NETO1: variants seen among roughly 807,000 people sequenced by gnomAD.
NETO1 encodes neuropilin and tolloid-like protein 1.
In NETO1, 26 loss-of-function variants were observed where a neutral mutation model predicts 61.3. The observed-to-expected ratio is 0.42, with a 90% CI of 0.31 to 0.59. The LOEUF is 0.59. Among genes scored for constraint, NETO1 ranks in the 20% least tolerant of loss-of-function variants. The probability of loss-of-function intolerance (pLI) is 0.12; values close to 1 mark genes in which losing one functional copy is unlikely to be tolerated. For missense variants in NETO1, 531 were observed against 662.8 expected, an observed-to-expected ratio of 0.80 and a Z score of 2.18; for synonymous variants, 225 against 225.8, an observed-to-expected ratio of 1.00 and a Z score of 0.03.
chr18:72,755,843 T>C (rs1320032765), intron 8 of NETO1, among the ~76,000 whole-genome samples, 191 bp downstream of exon 8: 1 of 152,088 alleles, frequency 6.6e-6, no homozygotes, highest in Non-Finnish European at 1.5e-5. Flanking sequence ...TGTGCACTAA[T>C]AACGGAACAT....
intron 4 of NETO1, among the ~76,000 whole-genome samples, chr18:72,800,153 C>T (rs1339979429): frequency 3.9e-5 from 6 of 152,160 alleles, no homozygotes; most frequent in Non-Finnish European, 8.8e-5. Context: ...CCAAAGAAGG[C>T]CCCGGAACTG....
At position 72,828,694 on chromosome 18, in the gene NETO1, A is replaced by C. The variant is rs116872178; in HGVS notation, c.469+30132T>G. On this transcript the variant is annotated intron_variant, in intron 4 of 10. Coordinates refer to ENST00000327305, the MANE Select transcript of NETO1 (RefSeq NM_138966.5). ...TCCATACCTAGACACATGGCAATAG[A>C]ATTGCTAAACACAGAAGATGAAGAT... Among the ~76,000 whole-genome samples the C allele has an allele frequency of 5.9e-3, 904 of 152,358 alleles. 3 individuals are homozygous for C. Among genetic ancestry groups the C allele is most frequent in the Non-Finnish European group, 0.011 (745 of 68,040 alleles).
At chr18:72,761,052 TTAAAATGTTAAGATGTATGACA>T (rs1458039508) in intron 7 of NETO1, among the ~76,000 whole-genome samples, 2 of 144,776 alleles carry the variant, frequency 1.4e-5, no homozygotes, top group African/African-American at 5.7e-5. Context: ...AACAAAAAAC[TTAAAATGTTAAGATGTATGACA>T]TAAAATGTTA....
At chr18:72,774,832 C>G (rs2071491012) in intron 7 of NETO1, among the ~76,000 whole-genome samples, 1 of 152,140 alleles carries the variant, frequency 6.6e-6, no homozygotes, top group South Asian at 2.1e-4. Context: ...CTCTTCTCCA[C>G]CGGGTAAATT....
intron 7 of NETO1, among the ~76,000 whole-genome samples, chr18:72,776,440 T>C (rs769693505): frequency 6.6e-6 from 1 of 152,150 alleles, no homozygotes; most frequent in Admixed American, 6.5e-5. Context: ...AACCAAACCA[T>C]GGCATGCTCT....
Position 72,855,028 on chromosome 18 carries a change from CTT to C in NETO1, c.469+3796_469+3797del, listed in dbSNP as rs2074373657. Among the ~76,000 whole-genome samples, 10 of 152,246 alleles carry C rather than the reference CTT, an allele frequency of 6.6e-5. No individual in the cohort carries two copies. In the South Asian group the frequency reaches 2.1e-3, roughly 32 times the overall value. On this transcript the variant is annotated intron_variant, in intron 4 of 10. Transcript: ENST00000327305. ...TTGATTTAAAACTTGTTTAAAGACTCTTTTTAAATGAGAAAACAATATAATTC... is the reference window on the plus strand; with the variant it reads ...TTGATTTAAAACTTGTTTAAAGACTCTTTAAATGAGAAAACAATATAATTC...
At chr18:72,865,326 A>G (rs2074703722) in intron 1 of NETO1, 85 bp from the exon 2 acceptor site, 10 of 1,277,706 alleles carry the variant, frequency 7.8e-6, no homozygotes, top group Non-Finnish European at 1.1e-5. Context: ...AAGATAAAAT[A>G]ATATCAAAGC....
intron 6 of NETO1, among the ~76,000 whole-genome samples, chr18:72,791,191 CA>C (rs2072104097): frequency 6.6e-6 from 1 of 152,108 alleles, no homozygotes; most frequent in Non-Finnish European, 1.5e-5. Context: ...GTAAAGGAGA[CA>C]TCAGATATTA....
chr18:72,813,505 C>G (rs901864196), intron 4 of NETO1, among the ~76,000 whole-genome samples: 1 of 152,080 alleles, frequency 6.6e-6, no homozygotes, highest in African/African-American at 2.4e-5. Flanking sequence ...GTAGAACTAC[C>G]ATGCACAGAC....
At position 72,839,703 on chromosome 18, in the gene NETO1, T is replaced by A. The variant is rs1033901111; in HGVS notation, c.469+19123A>T. On this transcript the variant is annotated intron_variant, in intron 4 of 10. Transcript: ENST00000327305. ...CACCCTCCCTAAGGTATAGATAGAG[T>A]GTAAATAGAGTAATATCTACATGAA... Among the ~76,000 whole-genome samples the A allele has an allele frequency of 4.6e-5, 7 of 152,242 alleles. 1 individual carries two copies. The South Asian group carries it at 1.5e-3, about 32-fold the overall frequency.
At chr18:72,837,006 T>C (rs142766475) in intron 4 of NETO1, among the ~76,000 whole-genome samples, 37 of 152,226 alleles carry the variant, frequency 2.4e-4, no homozygotes, top group Admixed American at 1.7e-3. Flanking sequence ...TGACTGAAGA[T>C]AGAAGGAAAA....
chr18:72,834,043 G>A, intron 4 of NETO1: 2 of 845,848 alleles, frequency 2.4e-6, no homozygotes, highest in Non-Finnish European at 2.8e-6. Flanking sequence ...TTTTCATTTA[G>A]ATACTCGTTT....
At chr18:72,844,293 T>C (rs1022098934) in intron 4 of NETO1, among the ~76,000 whole-genome samples, 2 of 151,966 alleles carry the variant, frequency 1.3e-5, no homozygotes, top group African/African-American at 4.8e-5. Flanking sequence ...CTTCTAACAC[T>C]TTCTTATTGC....
chr18:72,815,432 T>C (rs1328952122), intron 4 of NETO1, among the ~76,000 whole-genome samples: 1 of 152,012 alleles, frequency 6.6e-6, no homozygotes, highest in East Asian at 1.9e-4. Flanking sequence ...CTAGAATATA[T>C]ACAGACCTAC....
At position 72,746,873 on chromosome 18, in the gene NETO1, A is replaced by G. The variant is rs1031320677; in HGVS notation, c.*1306T>C. 6.6e-6 allele frequency among the ~76,000 whole-genome samples: 1 copy of G among 152,084 alleles called. No homozygotes were observed. Among genetic ancestry groups the G allele is most frequent in the Non-Finnish European group, 1.5e-5 (1 of 67,948 alleles). On this transcript the variant is annotated 3_prime_UTR_variant, in exon 11 of 11. Transcript: ENST00000327305. ...AAATCAAACTTTACAGAGTGTGTAT[A>G]TAATTTAATAGCAGTAAAATATATT...
rs2074776069 is a variant in NETO1 at position 72,867,444 on chromosome 18, G to C, written c.-153C>G. ...GGCCGAGAGGGAGACCGAGAGGAAG[G>C]GGGAGCTCCGAGCCCACGCTGCAGC... On this transcript the variant is annotated 5_prime_UTR_variant, in exon 1 of 11. Transcript: ENST00000327305. 1 of 463,502 alleles carries C rather than the reference G, an allele frequency of 2.2e-6. No homozygotes were observed. Among genetic ancestry groups the C allele is most frequent in the Non-Finnish European group, 3.7e-6 (1 of 267,008 alleles). The allele number at this position is 463,502 out of a possible 1,614,324, so 28.7% of individuals were successfully genotyped here. A position where few individuals can be genotyped will look rare whatever the true frequency, so the allele number is the denominator to read the frequency against.
intron 4 of NETO1, among the ~76,000 whole-genome samples, chr18:72,838,888 A>G (rs2073837346): frequency 6.6e-6 from 1 of 152,194 alleles, no homozygotes; most frequent in South Asian, 2.1e-4. Context: ...TCTCAACCGT[A>G]AAGTTTTCAT....
rs181298246 is a variant in NETO1 at position 72,754,699 on chromosome 18, G to C, written c.982+1335C>G. Among the ~76,000 whole-genome samples the C allele has an allele frequency of 1.2e-4, 19 of 152,158 alleles. No individual in the cohort carries two copies. The East Asian group carries it at 3.7e-3, about 29-fold the overall frequency. On this transcript the variant is annotated intron_variant, in intron 8 of 10. Transcript: ENST00000327305. ...AAGAAAAATTTTACAGAAGTGAAGA[G>C]AGAAGTAGACAATTCAACCATGATA...
At chr18:72,843,736 T>A (rs1390873046) in intron 4 of NETO1, among the ~76,000 whole-genome samples, 1 of 152,104 alleles carries the variant, frequency 6.6e-6, no homozygotes, top group Non-Finnish European at 1.5e-5. Flanking sequence ...GAAAAACTCT[T>A]CCCTTACCTT....
Sources: gnomAD v4.1 joint callset for allele counts (sites outside exome capture counted in the v4.1 genomes callset) on GRCh38, gnomAD v4.1.1 for gene constraint, MANE v1.5 for transcripts, NCBI Gene and HGNC (gene_info 2026-07-23, HGNC 2026-07-21) for gene names.